Variants in COL25A1 observed in about 807,000 individuals in gnomAD.
COL25A1 encodes the protein collagen alpha-1(XXV) chain.
In COL25A1, 103 loss-of-function variants were observed where a neutral mutation model predicts 128.4. That is an observed-to-expected ratio of 0.80 (90% CI 0.68 to 0.94). The LOEUF (loss-of-function observed/expected upper bound fraction) is 0.94. COL25A1 is among the 40% of genes least tolerant of loss of function. COL25A1 has a pLI of 0.00. For missense variants in COL25A1, 745 were observed against 840.0 expected (o/e 0.89, Z 1.40); for synonymous variants, 279 against 277.2 (o/e 1.01, Z -0.06).
chr4:108,931,020 C>T (rs1347733902), intron 11 of COL25A1, among the ~76,000 whole-genome samples: 1 of 152,074 alleles, frequency 6.6e-6, no homozygotes, highest in African/African-American at 2.4e-5. Flanking sequence ...TATTCTCATA[C>T]AAGAGTCACT....
intron 5 of COL25A1, among the ~76,000 whole-genome samples, chr4:109,019,033 GT>G (rs1417958689): frequency 6.6e-6 from 1 of 152,114 alleles, no homozygotes; most frequent in Non-Finnish European, 1.5e-5. Flanking sequence ...TATCCTGGCT[GT>G]GTCTGTGTGG....
intron 3 of COL25A1, among the ~76,000 whole-genome samples, chr4:109,259,849 C>T (rs1403870449): frequency 6.6e-6 from 1 of 152,178 alleles, no homozygotes; most frequent in Non-Finnish European, 1.5e-5. Context: ...AAAGCAACAC[C>T]AGTTTCAAAA....
At chr4:108,944,187 CT>C (rs1748462296) in intron 8 of COL25A1, among the ~76,000 whole-genome samples, 1 of 152,150 alleles carries the variant, frequency 6.6e-6, no homozygotes, top group South Asian at 2.1e-4. Flanking sequence ...TCTGATAAGG[CT>C]ATTAAGTGGC....
chr4:109,016,713 G>A (rs1195752847), intron 5 of COL25A1, among the ~76,000 whole-genome samples: 1 of 152,198 alleles, frequency 6.6e-6, no homozygotes, highest in Admixed American at 6.5e-5. Context: ...CTGCAGAAAG[G>A]AGCTACTGCT....
chr4:109,082,950 T>TTCCTA (rs1292805187), intron 3 of COL25A1, among the ~76,000 whole-genome samples: 15 of 152,278 alleles, frequency 9.9e-5, no homozygotes, highest in African/African-American at 3.4e-4. Context: ...AGAATCTCAT[T>TTCCTA]AAATATTATT....
At chr4:108,980,536 C>T (rs938877509) in intron 6 of COL25A1, among the ~76,000 whole-genome samples, 1 of 152,164 alleles carries the variant, frequency 6.6e-6, no homozygotes. Context: ...TATTTCAAAT[C>T]CACAGTGTTG....
At chr4:108,903,479 C>T (rs1743098048) in intron 13 of COL25A1, among the ~76,000 whole-genome samples, 1 of 151,982 alleles carries the variant, frequency 6.6e-6, no homozygotes, top group Non-Finnish European at 1.5e-5. Flanking sequence ...GGTGTGACCA[C>T]TTGTTTAATC....
chr4:109,263,384 T>G (rs1253881284), intron 3 of COL25A1, among the ~76,000 whole-genome samples: 1 of 151,972 alleles, frequency 6.6e-6, no homozygotes, highest in Non-Finnish European at 1.5e-5. Flanking sequence ...GAAAAATAAT[T>G]AAAATATTAG....
chr4:109,150,029 T>C (rs1333242081), intron 3 of COL25A1, among the ~76,000 whole-genome samples: 3 of 151,404 alleles, frequency 2.0e-5, no homozygotes, highest in African/African-American at 4.8e-5. Context: ...TCTGTGTGTA[T>C]GTGTATGTAT....
rs543586066 is a variant in COL25A1 at position 109,271,922 on chromosome 4, G to A, written c.367+28661C>T. ...ATTCTCATTCAACTTGTTATAAAGT[G>A]CATTTTTGTAAATTTTTTTAAAGTT... On this transcript the variant is annotated intron_variant, in intron 3 of 37. Coordinates refer to ENST00000399132, the MANE Select transcript of COL25A1 (RefSeq NM_198721.4). Among the ~76,000 whole-genome samples, 8 of 152,232 alleles carry A rather than the reference G, an allele frequency of 5.3e-5. No individual in the cohort carries two copies. The South Asian group carries it at 8.3e-4, about 16-fold the overall frequency.
chr4:109,203,588 C>T lies in COL25A1; in HGVS notation c.367+96995G>A, dbSNP rs116596017. Among the ~76,000 whole-genome samples, 1,083 of 151,790 alleles carry T rather than the reference C, an allele frequency of 7.1e-3. 16 individuals carry two copies. Among genetic ancestry groups the T allele is most frequent in the African/African-American group, 0.024 (991 of 41,396 alleles). The stretch of plus-strand genomic sequence containing the variant: ...GTCCAGAGGGAGAACTGAGAACTCC[C>T]GCAGGATGCCACCAAGAAAACAAAC... On this transcript the variant is annotated intron_variant, in intron 3 of 37. Coordinates refer to ENST00000399132, the MANE Select transcript of COL25A1 (RefSeq NM_198721.4).
intron 3 of COL25A1, among the ~76,000 whole-genome samples, chr4:109,194,873 G>A (rs760756551): frequency 5.3e-5 from 8 of 152,150 alleles, no homozygotes; most frequent in African/African-American, 9.7e-5. Context: ...TAGGTATAAT[G>A]TGACACCCTC....
chr4:109,299,067 A>G (rs750260847), intron 3 of COL25A1, among the ~76,000 whole-genome samples: 8 of 152,222 alleles, frequency 5.3e-5, no homozygotes, highest in African/African-American at 1.4e-4. Context: ...ATAGAACTCA[A>G]TGTTGTGGTT....
Position 108,889,745 on chromosome 4 carries a change from C to T in COL25A1, c.907-12G>A. On this transcript the variant is annotated splice_polypyrimidine_tract_variant and intron_variant, in intron 16 of 37. Transcript: ENST00000399132. ...GATCCAGGGTCACCCTAAAACGAAA[C>T]CCAGGAGAGATTATCTCACAAGTTA... 1 of 1,612,322 alleles carries T rather than the reference C, an allele frequency of 6.2e-7. No homozygotes were observed.
In COL25A1 at chr4:109,301,946, T is replaced by C. The variant is rs1725595470; in HGVS notation, c.74A>G (p.Gln25Arg). 6.2e-7 allele frequency: 1 copy of C among 1,613,264 alleles called. No individual in the cohort carries two copies. The highest frequency in any genetic ancestry group is 1.1e-5 in the South Asian group (1 of 91,080). Residue 25 changes from glutamine (Q) to arginine (R), a missense_variant, in exon 2 of 38, where the codon CAG (glutamine) becomes CGG (arginine). Coordinates refer to ENST00000399132, the MANE Select transcript of COL25A1 (RefSeq NM_198721.4). ...CGGGGGCATGGTCCGGGCACAATGC[T>C]GTTCGGCAGGGGTCGGGTCCTCGGA... ...PRSEDPTPAE[Q>R]HCARTMPPCA... is the part of the protein sequence containing the mutation.
At chr4:108,883,866 C>G (rs183205029) in intron 19 of COL25A1, among the ~76,000 whole-genome samples, 10 of 152,142 alleles carry the variant, frequency 6.6e-5, no homozygotes, top group Admixed American at 6.5e-4. Context: ...AAGAATAAAA[C>G]TAAAATATGA....
At chr4:108,886,277 G>T (rs1227300427) in intron 18 of COL25A1, among the ~76,000 whole-genome samples, 1 of 152,122 alleles carries the variant, frequency 6.6e-6, no homozygotes, top group South Asian at 2.1e-4. Context: ...TTTTTAGAAA[G>T]ACTTTTTTTT....
chr4:109,095,345 T>C (rs1163429330), intron 3 of COL25A1, among the ~76,000 whole-genome samples: 1 of 152,240 alleles, frequency 6.6e-6, no homozygotes, highest in Non-Finnish European at 1.5e-5. Flanking sequence ...AGATGATAAA[T>C]GTAATTCTCT....
At chr4:108,903,645 G>A (rs545483380) in intron 13 of COL25A1, among the ~76,000 whole-genome samples, 39 of 151,988 alleles carry the variant, frequency 2.6e-4, no homozygotes, top group Middle Eastern at 6.8e-3. Context: ...AACATTTTAT[G>A]GCACTAACTG....
Sources: gnomAD v4.1 joint callset for allele counts (sites outside exome capture counted in the v4.1 genomes callset) on GRCh38, gnomAD v4.1.1 for gene constraint, MANE v1.5 for transcripts, NCBI Gene and HGNC (gene_info 2026-07-23, HGNC 2026-07-21) for gene names.